TULP4: variants seen among roughly 807,000 people sequenced by gnomAD.
TULP4 encodes the protein tubby-related protein 4.
TULP4 carries 16 observed loss-of-function variants against 129.0 expected under a neutral mutation model. The ratio of observed to expected loss-of-function variants is 0.12; its 90% CI spans 0.08 to 0.19. The LOEUF is 0.19. Among genes scored for constraint, TULP4 ranks in the 10% least tolerant of loss-of-function variants. The pLI, the probability that TULP4 is intolerant of heterozygous loss-of-function variation, is 1.00. For synonymous variants in TULP4, 998 were observed against 854.0 expected, an observed-to-expected ratio of 1.17 and a Z score of -2.94; for missense variants, 1,842 against 2,059.1, an observed-to-expected ratio of 0.89 and a Z score of 2.04.
At chr6:158,242,763 T>C (rs1777947545) in intron 1 of TULP4, 2 of 424,354 alleles carry the variant, frequency 4.7e-6, no homozygotes, top group African/African-American at 4.1e-5. Context: ...GTTCTGGCCG[T>C]ACCGGTTCAC....
chr6:158,331,347 T>C (rs1348245539), intron 1 of TULP4, among the ~76,000 whole-genome samples: 2 of 152,138 alleles, frequency 1.3e-5, no homozygotes, highest in African/African-American at 4.8e-5. Flanking sequence ...CTGTGAACTC[T>C]TGGATTTCCA....
At chr6:158,501,636 C>T (rs187730736) in intron 12 of TULP4, 42 bp from the exon 13 acceptor site, 2 of 1,568,196 alleles carry the variant, frequency 1.3e-6, no homozygotes, top group African/African-American at 2.7e-5. Flanking sequence ...GGTTTAATGG[C>T]AGTGTTTTTG....
chr6:158,290,397 A>G (rs1778914554), intron 1 of TULP4, among the ~76,000 whole-genome samples: 1 of 152,146 alleles, frequency 6.6e-6, no homozygotes, highest in East Asian at 1.9e-4. Context: ...TGAGTTCCTT[A>G]TATATTCTAG....
At chr6:158,474,523 G>C (rs1779771200) in intron 6 of TULP4, among the ~76,000 whole-genome samples, 1 of 152,158 alleles carries the variant, frequency 6.6e-6, no homozygotes, top group Admixed American at 6.5e-5. Context: ...CTCTCAGCCA[G>C]GCCTCTGCTC....
chr6:158,416,048 C>T lies in TULP4; in HGVS notation c.381+2855C>T, dbSNP rs545509844. 2.7e-3 allele frequency among the ~76,000 whole-genome samples: 414 copies of T among 152,336 alleles called. 2 individuals are homozygous for T. Among genetic ancestry groups the T allele is most frequent in the Non-Finnish European group, 4.6e-3 (310 of 68,038 alleles). On this transcript the variant is annotated intron_variant, in intron 2 of 13. Transcript: ENST00000367097. ...TGGTGTAAGTCCAAGAGTCTAAAAG[C>T]TGAGGAACTTGGAGTCTGATGTTGA...
At chr6:158,251,436 T>C (rs1482470069) in intron 1 of TULP4, among the ~76,000 whole-genome samples, 1 of 151,228 alleles carries the variant, frequency 6.6e-6, no homozygotes, top group Admixed American at 6.7e-5. Flanking sequence ...ATTTTTAATA[T>C]GATTCTAACT....
intron 1 of TULP4, among the ~76,000 whole-genome samples, chr6:158,238,944 A>C (rs1777784197): frequency 7.3e-6 from 1 of 136,924 alleles, no homozygotes; most frequent in African/African-American, 2.6e-5. Flanking sequence ...GCTGTTGGGC[A>C]CACCTCCCAG....
chr6:158,437,326 C>T (rs1778773970), intron 3 of TULP4, among the ~76,000 whole-genome samples: 1 of 152,084 alleles, frequency 6.6e-6, no homozygotes, highest in South Asian at 2.1e-4. Flanking sequence ...CTTTGGGAGG[C>T]CAGAGCAGGA....
chr6:158,306,653 A>G (rs1426888562), intron 1 of TULP4, among the ~76,000 whole-genome samples: 1 of 152,202 alleles, frequency 6.6e-6, no homozygotes, highest in Non-Finnish European at 1.5e-5. Flanking sequence ...GCTCCTTTAT[A>G]TTCATAAAAA....
intron 1 of TULP4, among the ~76,000 whole-genome samples, chr6:158,250,330 G>A (rs891076357): frequency 6.6e-6 from 1 of 151,674 alleles, no homozygotes; most frequent in Non-Finnish European, 1.5e-5. Flanking sequence ...GCTAATTTTT[G>A]TAGTTTTAGT....
At chr6:158,298,250 G>A (rs975979773) in intron 1 of TULP4, among the ~76,000 whole-genome samples, 11 of 152,106 alleles carry the variant, frequency 7.2e-5, no homozygotes, top group Non-Finnish European at 1.2e-4. Context: ...CAATCAATTT[G>A]TACAGTTAAC....
At chr6:158,395,013 A>G (rs1475685390) in intron 1 of TULP4, among the ~76,000 whole-genome samples, 1 of 152,098 alleles carries the variant, frequency 6.6e-6, no homozygotes, top group African/African-American at 2.4e-5. Flanking sequence ...CTTTTAAATC[A>G]TCAGATCTCG....
intron 1 of TULP4, among the ~76,000 whole-genome samples, chr6:158,267,372 A>G (rs1169937762): frequency 1.3e-5 from 2 of 152,258 alleles, no homozygotes; most frequent in Non-Finnish European, 2.9e-5. Context: ...TGATATGCCA[A>G]CATGTCAAAC....
chr6:158,429,943 G>A, intron 3 of TULP4, 46 bp downstream of exon 3: 1 of 1,559,952 alleles, frequency 6.4e-7, no homozygotes, highest in Non-Finnish European at 8.7e-7. Context: ...AAAACCATGA[G>A]GGCTGGGAGG....
At position 158,502,232 on chromosome 6, in the gene TULP4, CCACA is replaced by C; in HGVS notation, c.2570_2573del (p.Pro857ArgfsTer8). The C allele has an allele frequency of 6.3e-7, 1 of 1,575,562 alleles. No individual in the cohort carries two copies. The highest frequency in any genetic ancestry group is 8.7e-7 in the Non-Finnish European group (1 of 1,154,634). ...AGCACCCCCGCCCCCTCTGCCGCCC[CCACA>C]GCCCCCAGTGGATGTGTGCTTGAAG... is the stretch of plus-strand genomic sequence containing the variant. On this transcript the variant is annotated frameshift_variant, in exon 13 of 14. Transcript: ENST00000367097. LOFTEE classifies it high-confidence loss of function.
chr6:158,501,994 C>T lies in TULP4; in HGVS notation c.2331C>T (p.Pro777=), dbSNP rs1422175650. The change falls in exon 13 of 14, where the codon CCC becomes CCT. Residue 777 remains proline, a synonymous_variant. Transcript: ENST00000367097. Reference sequence around the variant, plus strand: ...ACCCCCCTCCACTGTCCCTGCCTCCCCCGCCGCAGGGGCCCATGCAGCTGT... The same window carrying T: ...ACCCCCCTCCACTGTCCCTGCCTCCTCCGCCGCAGGGGCCCATGCAGCTGT... ...IQNPPPLSLP[P]PPQGPMQLST... The T allele has an allele frequency of 1.2e-6, 2 of 1,613,718 alleles. No individual in the cohort carries two copies. The highest frequency in any genetic ancestry group is 1.7e-6 in the Non-Finnish European group (2 of 1,179,950).
Position 158,313,985 on chromosome 6 carries a change from C to CT in TULP4, c.-27dup. On this transcript the variant is annotated 5_prime_UTR_variant, in exon 1 of 14. The change creates a premature stop within an existing upstream ORF in the 5' untranslated region. Coordinates refer to ENST00000367097, the MANE Select transcript of TULP4 (RefSeq NM_020245.5). The stretch of plus-strand genomic sequence containing the variant: ...TTTAAATTTCACAGCATTAACATTA[C>CT]TTTTTAAGTAAAACAGTTCATTGAA... The CT allele has an allele frequency of 6.2e-7, 1 of 1,602,162 alleles. No homozygotes were observed. The highest frequency in any genetic ancestry group is 8.5e-7 in the Non-Finnish European group (1 of 1,171,894).
intron 1 of TULP4, among the ~76,000 whole-genome samples, chr6:158,384,968 G>A (rs989592414): frequency 3.3e-5 from 5 of 152,200 alleles, no homozygotes; most frequent in African/African-American, 1.2e-4. Flanking sequence ...CCAAAGAAAT[G>A]TCAGATTCTA....
At chr6:158,366,420 C>A (rs1039844690) in intron 1 of TULP4, among the ~76,000 whole-genome samples, 2 of 152,212 alleles carry the variant, frequency 1.3e-5, no homozygotes, top group African/African-American at 4.8e-5. Flanking sequence ...CTTTTCCCTT[C>A]GAAGGCTGCA....
Sources: allele counts gnomAD v4.1 joint callset (sites outside exome capture counted in the v4.1 genomes callset), GRCh38; gene constraint gnomAD v4.1.1; transcripts MANE v1.5; gene names NCBI Gene and HGNC (gene_info 2026-07-23, HGNC 2026-07-21).